ATXN2: variants seen among roughly 807,000 people sequenced by gnomAD.
ATXN2 encodes the protein ataxin-2.
A neutral mutation model predicts 138.6 loss-of-function variants in ATXN2; 37 were observed. That is an observed-to-expected ratio of 0.27 (90% CI 0.21 to 0.35). The LOEUF (loss-of-function observed/expected upper bound fraction) is 0.35. ATXN2 is among the 10% of genes least tolerant of loss of function. The pLI is 1.00. For missense variants in ATXN2, 1,216 were observed against 1,480.3 expected, an observed-to-expected ratio of 0.82 and a Z score of 2.93; for synonymous variants, 549 against 543.7, an observed-to-expected ratio of 1.01 and a Z score of -0.13.
chr12:111,599,615 G>A (rs1885172040), upstream of ATXN2: 5 of 1,078,166 alleles, frequency 4.6e-6, no homozygotes, highest in East Asian at 6.1e-5. Context: ...ACGTGAGGTG[G>A]CCCCGGGGCC....
In ATXN2 at chr12:111,552,489, A is replaced by G. The variant is rs1165125919; in HGVS notation, c.421-59T>C. On this transcript the variant is annotated intron_variant, in intron 4 of 24. Transcript: ENST00000673436. This position sits in a 1 kb window ranked among gnomAD's most constrained non-coding sequence, Gnocchi z 4.1. ...CTTTACAAAATAAAATTTGTTAGGA[A>G]TTCTTTAGCTCATCAAGGTACCAGT... 6.5e-7 allele frequency: 1 copy of G among 1,532,152 alleles called. No homozygotes were observed. Among genetic ancestry groups the G allele is most frequent in the East Asian group, 2.4e-5 (1 of 42,364 alleles). The allele number at this position is 1,532,152 out of a possible 1,614,324, so 94.9% of individuals were successfully genotyped here. A position where few individuals can be genotyped will look rare whatever the true frequency, so the allele number is the denominator to read the frequency against.
At chr12:111,553,057 A>G (rs929759009) in intron 3 of ATXN2, 80 bp from the exon 4 acceptor site, 1 of 912,550 alleles carries the variant, frequency 1.1e-6, no homozygotes, top group East Asian at 2.8e-5. Flanking sequence ...TTTACTTTTT[A>G]TACCTCATCA....
rs1565998616 is a variant in ATXN2 at position 111,453,693 on chromosome 12, A to T, written c.3423T>A (p.Tyr1141Ter). ...ACGCCTCACCTGAAGGGTGCGTCAT[A>T]TAGGGGAAATGCGCTGTTGTCGAGA... Reference protein sequence around the residue: ...IPVSTTAHFPYMTHPSVQAHH... With the variant: ...IPVSTTAHFP The change falls in exon 24 of 25, where the codon TAT becomes TAA. Residue 1141 changes from tyrosine (Y) to a stop codon, truncating the protein, a stop_gained. Coordinates refer to ENST00000673436, the MANE Select transcript of ATXN2 (RefSeq NM_001372574.1). LOFTEE classifies it high-confidence loss of function. This position sits in a 1 kb window ranked among gnomAD's most constrained non-coding sequence, Gnocchi z 5.4. The T allele has an allele frequency of 6.2e-7, 1 of 1,609,674 alleles. No individual in the cohort carries two copies. Among genetic ancestry groups the T allele is most frequent in the Non-Finnish European group, 8.5e-7 (1 of 1,177,724 alleles).
rs1050408707 is a variant in ATXN2, at chr12:111,453,329, C to A, written c.3439+348G>T. Reference sequence around the variant, plus strand: ...AAACTCTGCCATGGTAATAACCCCCCACATGTCAGACTTTTGGGACTCAGG... The same window carrying A: ...AAACTCTGCCATGGTAATAACCCCCAACATGTCAGACTTTTGGGACTCAGG... On this transcript the variant is annotated intron_variant, in intron 24 of 24. Coordinates refer to ENST00000673436, the MANE Select transcript of ATXN2 (RefSeq NM_001372574.1). The surrounding 1 kb of genome is among the most constrained non-coding windows in gnomAD (Gnocchi z 5.4). 5 of 1,084,732 alleles carry A rather than the reference C, an allele frequency of 4.6e-6. No individual in the cohort carries two copies. The highest frequency in any genetic ancestry group is 7.7e-5 in the South Asian group (2 of 26,136). 67.2% of individuals were successfully genotyped at this position (1,084,732 alleles called of 1,614,324 possible).
At chr12:111,575,489 G>GC in intron 1 of ATXN2, among the ~76,000 whole-genome samples, 1 of 152,150 alleles carries the variant, frequency 6.6e-6, no homozygotes, top group East Asian at 1.9e-4. Flanking sequence ...TTCTGATTTT[G>GC]TTTTCCTCTT....
At chr12:111,504,874 T>C (rs546869097) in intron 14 of ATXN2, among the ~76,000 whole-genome samples, 1 of 152,248 alleles carries the variant, frequency 6.6e-6, no homozygotes, top group East Asian at 1.9e-4. Context: ...ATAATATTGT[T>C]ATAGGAAAGG....
intron 8 of ATXN2, 64 bp downstream of exon 8, chr12:111,519,815 C>G (rs984332896): frequency 1.2e-6 from 2 of 1,608,582 alleles, no homozygotes; most frequent in African/African-American, 1.3e-5. Context: ...AATAACAATA[C>G]ACCGTCTCAC....
chr12:111,597,191 T>C (rs1884980664), intron 1 of ATXN2, among the ~76,000 whole-genome samples: 1 of 152,148 alleles, frequency 6.6e-6, no homozygotes, highest in Non-Finnish European at 1.5e-5. Flanking sequence ...AATAACCGAC[T>C]GTTTCCGCCC....
chr12:111,483,239 A>AC (rs1491134809), intron 18 of ATXN2, among the ~76,000 whole-genome samples: 21 of 149,052 alleles, frequency 1.4e-4, no homozygotes, highest in South Asian at 8.5e-4. Context: ...ACACACACAC[A>AC]AAACACCCAA....
At chr12:111,455,175 A>G (rs770269263) in intron 23 of ATXN2, 23 of 701,226 alleles carry the variant, frequency 3.3e-5, no homozygotes, top group Non-Finnish European at 5.2e-5. Flanking sequence ...CCCGCCTCAG[A>G]GAGTTCTGTT....
Position 111,588,991 on chromosome 12 carries a change from CAAAAAAAAAAAAAAAAA to C in ATXN2, c.251+9776_251+9792del, listed in dbSNP as rs58116265. The stretch of plus-strand genomic sequence containing the variant: ...GCCTGGGCGACAGAGCGAGATTTCT[CAAAAAAAAAAAAAAAAA>C]AAAAAAAAAAAAAAAACTAAACCAA... On this transcript the variant is annotated intron_variant, in intron 1 of 24. Coordinates refer to ENST00000673436, the MANE Select transcript of ATXN2 (RefSeq NM_001372574.1). 2.8e-3 allele frequency among the ~76,000 whole-genome samples: 107 copies of C among 38,716 alleles called. 5 individuals carry two copies. In the East Asian group the frequency reaches 0.088, roughly 32 times the overall value. 25.4% of individuals were successfully genotyped at this position (38,716 alleles called of 152,430 possible).
chr12:111,509,438 T>A, intron 14 of ATXN2, 111 bp downstream of exon 14: 2 of 668,558 alleles, frequency 3.0e-6, no homozygotes, highest in Non-Finnish European at 5.2e-6. Context: ...GCTTTCTACA[T>A]ATATGGTTTG....
chr12:111,497,571 C>T (rs1377789266), intron 14 of ATXN2, among the ~76,000 whole-genome samples: 6 of 151,834 alleles, frequency 4.0e-5, no homozygotes, highest in East Asian at 1.9e-4. Context: ...GTTCGACATA[C>T]GCAAATCAAT....
chr12:111,584,121 C>T (rs1413477444), intron 1 of ATXN2, among the ~76,000 whole-genome samples: 1 of 151,670 alleles, frequency 6.6e-6, no homozygotes, highest in East Asian at 1.9e-4. Flanking sequence ...GTGGCTCATC[C>T]CTGTAATCCC....
intron 14 of ATXN2, among the ~76,000 whole-genome samples, chr12:111,506,997 G>A (rs1235508120): frequency 6.6e-6 from 1 of 150,936 alleles, no homozygotes; most frequent in African/African-American, 2.5e-5. Flanking sequence ...GTGCAGTGGC[G>A]TGATCTCGGC....
chr12:111,578,850 G>C (rs1883827506), intron 1 of ATXN2, among the ~76,000 whole-genome samples: 1 of 151,976 alleles, frequency 6.6e-6, no homozygotes, highest in Non-Finnish European at 1.5e-5. Flanking sequence ...ACACCACCCA[G>C]GGCAACATAG....
Position 111,599,138 on chromosome 12 carries a change from G to T in ATXN2, c.-104C>A, listed in dbSNP as rs1885126284. ...CGGCGGGGACGCGCGGGCGCCGAGC[G>T]GGGAGGCGCGGGTTGGCGCGGCCGG... On this transcript the variant is annotated 5_prime_UTR_variant, in exon 1 of 25. Transcript: ENST00000673436. 1 of 1,218,296 alleles carries T rather than the reference G, an allele frequency of 8.2e-7. No homozygotes were observed. Among genetic ancestry groups the T allele is most frequent in the Non-Finnish European group, 1.0e-6 (1 of 979,746 alleles). The allele number at this position is 1,218,296 out of a possible 1,614,324, so 75.5% of individuals were successfully genotyped here. A position where few individuals can be genotyped will look rare whatever the true frequency, so the allele number is the denominator to read the frequency against.
intron 5 of ATXN2, among the ~76,000 whole-genome samples, chr12:111,550,193 G>C (rs982253963): frequency 6.6e-6 from 1 of 152,122 alleles, no homozygotes; most frequent in African/African-American, 2.4e-5. Flanking sequence ...TATGAGTAGA[G>C]TGAGATTTTC....
At position 111,584,377 on chromosome 12, in the gene ATXN2, C is replaced by CAAAAAAAAAAAAAAA. The variant is rs58678794; in HGVS notation, c.251+14392_251+14406dup. ...AGCCTTGGTGACAGAGACCCTGTCT[C>CAAAAAAAAAAAAAAA]AAAAAAAAAAAAAAAAAAAAAAAAA... On this transcript the variant is annotated intron_variant, in intron 1 of 24. Coordinates refer to ENST00000673436, the MANE Select transcript of ATXN2 (RefSeq NM_001372574.1). Among the ~76,000 whole-genome samples the CAAAAAAAAAAAAAAA allele has an allele frequency of 1.1e-4, 5 of 44,746 alleles. 1 individual carries two copies. The highest frequency in any genetic ancestry group is 1.3e-3 in the South Asian group (1 of 748). The allele number at this position is 44,746 out of a possible 152,430, so 29.4% of individuals were successfully genotyped here.
Sources: allele counts gnomAD v4.1 joint callset (sites outside exome capture counted in the v4.1 genomes callset), GRCh38; gene constraint gnomAD v4.1.1; non-coding constraint Gnocchi (gnomAD v3.1); transcripts MANE v1.5; gene names NCBI Gene and HGNC (gene_info 2026-07-23, HGNC 2026-07-21).